ABCD4: variants seen among roughly 807,000 people sequenced by gnomAD.
ABCD4 encodes the protein ATP binding cassette subfamily D member 4, also known as lysosomal cobalamin transporter ABCD4.
In ABCD4, 53 loss-of-function variants were observed where a neutral mutation model predicts 86.3. That is an observed-to-expected ratio of 0.61 (90% CI 0.49 to 0.77). The LOEUF (loss-of-function observed/expected upper bound fraction) is 0.77. ABCD4 is among the 30% of genes least tolerant of loss of function. The pLI is 0.00. For missense variants in ABCD4, 757 were observed against 764.5 expected, an observed-to-expected ratio of 0.99 and a Z score of 0.12; for synonymous variants, 328 against 313.6, an observed-to-expected ratio of 1.05 and a Z score of -0.49.
intron 13 of ABCD4, chr14:74,289,735 T>C: frequency 2.8e-6 from 4 of 1,434,788 alleles, no homozygotes; most frequent in Non-Finnish European, 3.6e-6. Flanking sequence ...TCTGACAGCC[T>C]CCTGAGGGCA....
rs370752716 is a variant in ABCD4, at chr14:74,297,917, T to C, written c.425+13A>G. ...CACACAGAGTGTAGAAAGGACTGAG[T>C]TGGGGCGCCTACGGGTTATCGATGT... On this transcript the variant is annotated intron_variant, in intron 4 of 18. Coordinates refer to ENST00000356924, the MANE Select transcript of ABCD4 (RefSeq NM_005050.4). The C allele has an allele frequency of 3.0e-4, 488 of 1,609,654 alleles. 1 individual carries two copies. Among genetic ancestry groups the C allele is most frequent in the Non-Finnish European group, 3.5e-4 (410 of 1,178,334 alleles).
chr14:74,288,691 C>A (rs777790540), intron 15 of ABCD4, 25 bp downstream of exon 15: 5 of 1,612,102 alleles, frequency 3.1e-6, no homozygotes, highest in Non-Finnish European at 4.2e-6. Flanking sequence ...GGGCTCGGGT[C>A]CTGAGGGTCC....
At position 74,302,732 on chromosome 14, in the gene ABCD4, T is replaced by G. The variant is rs1036094721; in HGVS notation, c.38+143A>C. The G allele has an allele frequency of 2.9e-6, 3 of 1,023,122 alleles. No homozygotes were observed. In the African/African-American group the frequency reaches 5.1e-5, roughly 17 times the overall value. The allele number at this position is 1,023,122 out of a possible 1,614,324, so 63.4% of individuals were successfully genotyped here. ...GAGCGGCGGGAGGGCGGACGCCCCT[T>G]CGAGAGCTCCTCTTTCTCTCAGAAG... On this transcript the variant is annotated intron_variant, in intron 1 of 18. Coordinates refer to ENST00000356924, the MANE Select transcript of ABCD4 (RefSeq NM_005050.4).
chr14:74,299,237 G>A (rs931816857), intron 3 of ABCD4: 11 of 256,064 alleles, frequency 4.3e-5, no homozygotes, highest in East Asian at 2.1e-4. Flanking sequence ...CTGCTGAGCC[G>A]TTTTAATGAG....
rs2081041621 is a variant in ABCD4, at chr14:74,290,033, C to T, written c.1413G>A (p.Arg471=). 1.2e-6 allele frequency: 2 copies of T among 1,613,990 alleles called. No homozygotes were observed. The highest frequency in any genetic ancestry group is 8.5e-7 in the Non-Finnish European group (1 of 1,180,036). The change falls in exon 13 of 19, where the codon CGG becomes CGA. Residue 471 remains arginine, a synonymous_variant. Transcript: ENST00000356924. ...QKPFFTDGTL[R]EQVIYPLKEV... ...CCCCCTGAACTAGACTGACCTGCTC[C>T]CGAAGGGTCCCGTCAGTGAAGAATG... is the stretch of plus-strand genomic sequence containing the variant.
chr14:74,286,498 C>T lies in ABCD4; in HGVS notation c.1784G>A (p.Gly595Glu). 1.9e-6 allele frequency: 3 copies of T among 1,614,264 alleles called. No homozygotes were observed. Among genetic ancestry groups the T allele is most frequent in the South Asian group, 2.2e-5 (2 of 91,090 alleles). Residue 595 changes from glycine to glutamate, a missense_variant, in exon 19 of 19, where the codon GGA becomes GAA. By Grantham distance (98) the Gly-to-Glu change is moderately conservative. Transcript: ENST00000356924. ...FHSLVLKLCG[G>E]GRWELMRIKV... is the part of the protein sequence containing the mutation. ...GATTCTCATCAGCTCCCATCTTCCT[C>T]CTCCACAGAGTTTCAGAACCAAGGA...
intron 3 of ABCD4, 179 bp downstream of exon 3, chr14:74,299,369 T>A: frequency 1.4e-6 from 1 of 717,512 alleles, no homozygotes; most frequent in South Asian, 1.8e-5. Context: ...CAGTCCCACG[T>A]GGGCCAATAG....
At chr14:74,289,675 C>G in intron 13 of ABCD4, 156 bp from the exon 14 acceptor site, 1 of 1,457,548 alleles carries the variant, frequency 6.9e-7, no homozygotes, top group Non-Finnish European at 9.0e-7. Context: ...GGCCGGCAGA[C>G]AGCAGGGCAA....
chr14:74,301,649 GTAAT>G (rs2084561440), intron 1 of ABCD4, among the ~76,000 whole-genome samples: 1 of 144,846 alleles, frequency 6.9e-6, no homozygotes, highest in Admixed American at 6.9e-5. Flanking sequence ...GTCGGGAAGT[GTAAT>G]CCCTGCACTT....
rs2082854666 is a variant in ABCD4 at position 74,296,314 on chromosome 14, GGGA to G, written c.542+16_542+18del. ...GGCCCTCTGGGGAAACACCAGGCTG[GGGA>G]GGAGGGAGGCTTCACCTTTGGAAGC... On this transcript the variant is annotated intron_variant, in intron 5 of 18. Coordinates refer to ENST00000356924, the MANE Select transcript of ABCD4 (RefSeq NM_005050.4). The G allele has an allele frequency of 6.2e-7, 1 of 1,608,852 alleles. No individual in the cohort carries two copies. The highest frequency in any genetic ancestry group is 1.3e-5 in the African/African-American group (1 of 74,750).
In ABCD4 at chr14:74,296,332, CCTT is replaced by C; in HGVS notation, c.540_542del (p.Gln180_Ser181delinsHis). On this transcript the variant is annotated inframe_deletion and splice_region_variant, in exon 5 of 19. Coordinates refer to ENST00000356924, the MANE Select transcript of ABCD4 (RefSeq NM_005050.4). The stretch of plus-strand genomic sequence containing the variant: ...CAGGCTGGGGAGGAGGGAGGCTTCA[CCTT>C]TGGAAGCACTGGTAAGTGTAGTAGA... 6.2e-7 allele frequency: 1 copy of C among 1,613,892 alleles called. No individual in the cohort carries two copies. Among genetic ancestry groups the C allele is most frequent in the Non-Finnish European group, 8.5e-7 (1 of 1,179,798 alleles).
At chr14:74,286,973 G>A (rs1336722424) in intron 17 of ABCD4, among the ~76,000 whole-genome samples, 157 bp from the exon 18 acceptor site, 6 of 152,232 alleles carry the variant, frequency 3.9e-5, no homozygotes, top group Non-Finnish European at 7.3e-5. Context: ...ATGGGCCAGA[G>A]GAGCAGAGGG....
chr14:74,292,615 TGATGAGGTAGATGCACACAAA>T lies in ABCD4; in HGVS notation c.943_963del (p.Phe315_Ile321del). 1 of 1,612,442 alleles carries T rather than the reference TGATGAGGTAGATGCACACAAA, an allele frequency of 6.2e-7. No individual in the cohort carries two copies. The highest frequency in any genetic ancestry group is 8.5e-7 in the Non-Finnish European group (1 of 1,179,508). ...AGGTCGATGAGCTGGGTGAAGCAGC[TGATGAGGTAGATGCACACAAA>T]GGCATTCTGGACAGGATGGGAAGAG... On this transcript the variant is annotated inframe_deletion, in exon 10 of 19. Transcript: ENST00000356924.
intron 11 of ABCD4, 101 bp downstream of exon 11, chr14:74,292,186 T>G: frequency 9.1e-7 from 1 of 1,098,168 alleles, no homozygotes; most frequent in South Asian, 1.3e-5. Context: ...TCCTTACAAC[T>G]CTGCTGCCCA....
intron 5 of ABCD4, 81 bp from the exon 6 acceptor site, chr14:74,296,060 C>T (rs4148075): frequency 5.3e-6 from 8 of 1,514,030 alleles, no homozygotes. Context: ...GACTCCTGTT[C>T]CCTCTCAGGT....
intron 4 of ABCD4, 118 bp downstream of exon 4, chr14:74,297,812 C>G (rs1231517057): frequency 2.7e-6 from 4 of 1,456,472 alleles, no homozygotes; most frequent in Non-Finnish European, 3.6e-6. Flanking sequence ...CTCTGGGCAG[C>G]AGCATTTGAA....
rs1236483488 is a variant in ABCD4 at position 74,290,604 on chromosome 14, G to A, written c.1119-105C>T. The A allele has an allele frequency of 1.5e-5, 12 of 817,164 alleles. No homozygotes were observed. The East Asian group carries it at 2.3e-4, about 15-fold the overall frequency. 50.6% of individuals were successfully genotyped at this position (817,164 alleles called of 1,614,324 possible). ...CACCACCTGTGGATTATTATGGGCT[G>A]ACTTGCATCCTCCCAAAATCACATG... On this transcript the variant is annotated intron_variant, in intron 11 of 18. Transcript: ENST00000356924.
chr14:74,292,732 C>A lies in ABCD4; in HGVS notation c.936+16G>T, dbSNP rs766146661. 2 of 1,613,876 alleles carry A rather than the reference C, an allele frequency of 1.2e-6. No homozygotes were observed. Among genetic ancestry groups the A allele is most frequent in the South Asian group, 2.2e-5 (2 of 91,004 alleles). On this transcript the variant is annotated intron_variant, in intron 9 of 18. Transcript: ENST00000356924. ...AGAGAGGGACAGCATGTGGGGTGAC[C>A]AAGAGGGAGTCTCACCTTGCTGACC...
intron 1 of ABCD4, among the ~76,000 whole-genome samples, 181 bp downstream of exon 1, chr14:74,302,694 G>A (rs2084992316): frequency 6.6e-6 from 1 of 152,256 alleles, no homozygotes; most frequent in Admixed American, 6.5e-5. Flanking sequence ...CGCGGCCGGT[G>A]CGGAGCGGCC....
Sources: allele counts gnomAD v4.1 joint callset (sites outside exome capture counted in the v4.1 genomes callset), GRCh38; gene constraint gnomAD v4.1.1; transcripts MANE v1.5; gene names NCBI Gene and HGNC (gene_info 2026-07-23, HGNC 2026-07-21).